Variants in GREB1L observed in about 807,000 individuals in gnomAD.
The protein encoded by GREB1L is GREB1-like protein.
In GREB1L, 17 loss-of-function variants were observed where a neutral mutation model predicts 200.8. That is an observed-to-expected ratio of 0.08 (90% CI 0.06 to 0.13). GREB1L has a LOEUF of 0.13. Among genes scored for constraint, GREB1L ranks in the 10% least tolerant of loss-of-function variants. The pLI, the probability that GREB1L is intolerant of heterozygous loss-of-function variation, is 1.00. For synonymous variants in GREB1L, 789 were observed against 893.0 expected (o/e 0.88, Z 2.08); for missense variants, 1,657 against 2,367.7 (o/e 0.70, Z 6.23).
At chr18:21,475,257 C>T (rs2035641077) in intron 16 of GREB1L, among the ~76,000 whole-genome samples, 1 of 152,108 alleles carries the variant, frequency 6.6e-6, no homozygotes, top group Admixed American at 6.6e-5. Context: ...CTTCCTTGCC[C>T]TTCTCCCCTC....
At chr18:21,331,688 C>G in intron 1 of GREB1L, among the ~76,000 whole-genome samples, 1 of 152,138 alleles carries the variant, frequency 6.6e-6, no homozygotes, top group South Asian at 2.1e-4. Flanking sequence ...GTTTGTATAT[C>G]AGCTTTAACA....
chr18:21,496,578 G>A lies in GREB1L; in HGVS notation c.3271G>A (p.Ala1091Thr). ...SKEVIRGPTV[A>T]LDLSGKEQER... is the part of the protein sequence containing the mutation. Reference sequence around the variant, plus strand: ...AGAGGTCATCCGGGGACCCACTGTTGCCCTGGACCTCAGCGGGAAGGAGCA... The same window carrying A: ...AGAGGTCATCCGGGGACCCACTGTTACCCTGGACCTCAGCGGGAAGGAGCA... Residue 1091 changes from alanine (A) to threonine (T), a missense_variant, in exon 21 of 33, where the codon GCC (alanine) becomes ACC (threonine). Coordinates refer to ENST00000424526, the MANE Select transcript of GREB1L (RefSeq NM_001142966.3). 2 of 1,551,716 alleles carry A rather than the reference G, an allele frequency of 1.3e-6. No homozygotes were observed. Among genetic ancestry groups the A allele is most frequent in the African/African-American group, 1.4e-5 (1 of 73,164 alleles).
At chr18:21,365,845 G>T (rs1251222082) in intron 1 of GREB1L, among the ~76,000 whole-genome samples, 182 bp from the exon 2 acceptor site, 1 of 152,022 alleles carries the variant, frequency 6.6e-6, no homozygotes, top group Non-Finnish European at 1.5e-5. Context: ...ATTGAGAAAA[G>T]TGGAGTATCT....
chr18:21,373,374 C>T (rs887694377), intron 2 of GREB1L, among the ~76,000 whole-genome samples: 5 of 152,080 alleles, frequency 3.3e-5, no homozygotes, highest in African/African-American at 1.2e-4. Flanking sequence ...TTTTTTGTCA[C>T]CCACGCTGGA....
chr18:21,471,489 C>T (rs1354599506), intron 15 of GREB1L, among the ~76,000 whole-genome samples: 1 of 152,222 alleles, frequency 6.6e-6, no homozygotes, highest in Non-Finnish European at 1.5e-5. Context: ...CCATCATGAA[C>T]TCCATGAGAT....
chr18:21,445,973 C>T (rs540048643), intron 11 of GREB1L, among the ~76,000 whole-genome samples: 7 of 152,240 alleles, frequency 4.6e-5, no homozygotes, highest in African/African-American at 1.7e-4. Flanking sequence ...ATGATATAGC[C>T]AACCAAGAAA....
intron 23 of GREB1L, among the ~76,000 whole-genome samples, chr18:21,501,066 CAAA>C (rs11295281): frequency 9.2e-5 from 8 of 87,054 alleles, no homozygotes; most frequent in Non-Finnish European, 1.6e-4. Context: ...GACTTTGTCT[CAAA>C]AAAAAAAAAA....
At position 21,467,829 on chromosome 18, in the gene GREB1L, T is replaced by C. The variant is rs8099747; in HGVS notation, c.2183-5202T>C. Among the ~76,000 whole-genome samples, 514 of 151,986 alleles carry C rather than the reference T, an allele frequency of 3.4e-3. 1 individual carries two copies. Among genetic ancestry groups the C allele is most frequent in the African/African-American group, 9.2e-3 (383 of 41,470 alleles). On this transcript the variant is annotated intron_variant, in intron 15 of 32. Transcript: ENST00000424526. ...CACAAGGTCAGGAGATTGAGAGCAT[T>C]CTGGCTAACACAGTGAAACCCTGTC...
intron 1 of GREB1L, among the ~76,000 whole-genome samples, chr18:21,245,534 T>C (rs1357515791): frequency 8.5e-5 from 13 of 152,228 alleles, no homozygotes; most frequent in Admixed American, 7.2e-4. Context: ...AAATGTTTTA[T>C]ATTGCAGATA....
intron 2 of GREB1L, among the ~76,000 whole-genome samples, chr18:21,382,691 A>G (rs1226390654): frequency 6.6e-6 from 1 of 151,918 alleles, no homozygotes; most frequent in Non-Finnish European, 1.5e-5. Context: ...GGGTTTCACC[A>G]TGTTAGCCAG....
At chr18:21,494,575 G>C (rs2036469654) in intron 19 of GREB1L, among the ~76,000 whole-genome samples, 1 of 151,584 alleles carries the variant, frequency 6.6e-6, no homozygotes, top group Admixed American at 6.6e-5. Context: ...GCTCACACCT[G>C]TCCACGGCAC....
At chr18:21,485,923 T>C (rs191196700) in intron 18 of GREB1L, among the ~76,000 whole-genome samples, 170 bp downstream of exon 18, 22 of 152,306 alleles carry the variant, frequency 1.4e-4, no homozygotes, top group Middle Eastern at 3.4e-3. Context: ...TATTGTTTTA[T>C]GTGATCATCC....
At chr18:21,408,882 G>A (rs972931704) in intron 7 of GREB1L, among the ~76,000 whole-genome samples, 1 of 152,030 alleles carries the variant, frequency 6.6e-6, no homozygotes, top group Non-Finnish European at 1.5e-5. Context: ...GTGTCTGTGG[G>A]TGTGGAGAAG....
Position 21,401,344 on chromosome 18 carries a change from A to G in GREB1L, c.709+18A>G, listed in dbSNP as rs1306939888. The G allele has an allele frequency of 1.3e-6, 2 of 1,539,690 alleles. No homozygotes were observed. Among genetic ancestry groups the G allele is most frequent in the African/African-American group, 2.7e-5 (2 of 72,754 alleles). Reference sequence around the variant, plus strand: ...CTGGAAAGGTAGTCAATTTCCAGGAAGAAAAGGGGAGGGAATGGAGATTTT... The same window carrying G: ...CTGGAAAGGTAGTCAATTTCCAGGAGGAAAAGGGGAGGGAATGGAGATTTT... On this transcript the variant is annotated intron_variant, in intron 6 of 32. Coordinates refer to ENST00000424526, the MANE Select transcript of GREB1L (RefSeq NM_001142966.3).
intron 7 of GREB1L, 70 bp downstream of exon 7, chr18:21,404,064 C>A: frequency 7.6e-7 from 1 of 1,312,950 alleles, no homozygotes; most frequent in Non-Finnish European, 1.1e-6. Context: ...AAAATATATA[C>A]TTACTGCTGG....
chr18:21,463,290 C>T (rs567599239), intron 15 of GREB1L, among the ~76,000 whole-genome samples: 13 of 151,558 alleles, frequency 8.6e-5, no homozygotes, highest in South Asian at 6.2e-4. Flanking sequence ...GGACCACAAG[C>T]GCCCGCCACC....
intron 1 of GREB1L, among the ~76,000 whole-genome samples, chr18:21,275,959 C>T (rs931784914): frequency 6.6e-6 from 1 of 152,106 alleles, no homozygotes; most frequent in African/African-American, 2.4e-5. Context: ...AAGAAAAATC[C>T]ACTGTTGGTG....
At chr18:21,444,168 T>C in intron 10 of GREB1L, 56 bp from the exon 11 acceptor site, 1 of 1,293,654 alleles carries the variant, frequency 7.7e-7, no homozygotes, top group Non-Finnish European at 1.1e-6. Flanking sequence ...CAAGTGTACC[T>C]GGTTGGACCA....
intron 23 of GREB1L, among the ~76,000 whole-genome samples, chr18:21,502,846 T>C (rs2036854607): frequency 6.6e-6 from 1 of 152,190 alleles, no homozygotes; most frequent in African/African-American, 2.4e-5. Flanking sequence ...TTGATTTTTT[T>C]CCTCAGATCA....
Sources: gnomAD v4.1 joint callset for allele counts (sites outside exome capture counted in the v4.1 genomes callset) on GRCh38, gnomAD v4.1.1 for gene constraint, MANE v1.5 for transcripts, NCBI Gene and HGNC (gene_info 2026-07-23, HGNC 2026-07-21) for gene names.